Variants in RPS6KB1 observed in about 807,000 individuals in gnomAD.
The protein encoded by RPS6KB1 is ribosomal protein S6 kinase B1.
In RPS6KB1, 12 loss-of-function variants were observed where a neutral mutation model predicts 70.2. The ratio of observed to expected loss-of-function variants is 0.17; its 90% confidence interval spans 0.11 to 0.28. The LOEUF is 0.28. Ranked by LOEUF, RPS6KB1 falls within the 10% of genes least tolerant of loss-of-function variation. The pLI is 1.00. For missense variants in RPS6KB1, 270 were observed against 646.6 expected (o/e 0.42, Z 6.32); for synonymous variants, 175 against 211.2 (o/e 0.83, Z 1.49).
chr17:59,938,185 G>GGA (rs1555653088), intron 12 of RPS6KB1, among the ~76,000 whole-genome samples: 2 of 84,850 alleles, frequency 2.4e-5, no homozygotes, highest in Admixed American at 1.2e-4. Flanking sequence ...TTTTTTTTTT[G>GGA]GGGGGGGGAT....
intron 13 of RPS6KB1, among the ~76,000 whole-genome samples, chr17:59,941,635 A>ATT (rs1382781597): frequency 0.036 from 4,778 of 134,304 alleles, 330 homozygotes; most frequent in African/African-American, 0.13. Context: ...TAAGTAGGGG[A>ATT]TTTTTTTTTT....
intron 12 of RPS6KB1, among the ~76,000 whole-genome samples, chr17:59,938,993 G>A: frequency 6.6e-6 from 1 of 152,116 alleles, no homozygotes; most frequent in East Asian, 1.9e-4. Flanking sequence ...TTGTGAAATG[G>A]TCTTATTCTA....
intron 13 of RPS6KB1, among the ~76,000 whole-genome samples, chr17:59,943,662 A>G (rs1174265308): frequency 2.0e-5 from 3 of 151,968 alleles, no homozygotes; most frequent in Non-Finnish European, 4.4e-5. Flanking sequence ...GCGGATCACA[A>G]GGTCAGGAGT....
At chr17:59,910,539 G>T in intron 1 of RPS6KB1, 23 bp from the exon 2 acceptor site, 1 of 1,505,406 alleles carries the variant, frequency 6.6e-7, no homozygotes, top group Non-Finnish European at 9.1e-7. Flanking sequence ...GATTATTTCT[G>T]AAACTTTTAA....
intron 4 of RPS6KB1, among the ~76,000 whole-genome samples, chr17:59,921,961 T>C (rs1170027926): frequency 6.6e-6 from 1 of 152,194 alleles, no homozygotes; most frequent in Non-Finnish European, 1.5e-5. Context: ...ATTTTCCTCA[T>C]GTACAATTTG....
At chr17:59,939,996 T>C (rs1210938585) in intron 12 of RPS6KB1, among the ~76,000 whole-genome samples, 1 of 152,242 alleles carries the variant, frequency 6.6e-6, no homozygotes, top group Non-Finnish European at 1.5e-5. Flanking sequence ...ATATAACTTA[T>C]AAACCATGCA....
intron 4 of RPS6KB1, among the ~76,000 whole-genome samples, chr17:59,918,829 CTTTTTTTTTTT>C (rs35207575): frequency 8.4e-6 from 1 of 119,072 alleles, no homozygotes. Flanking sequence ...ACTGATTATT[CTTTTTTTTTTT>C]TTTTTTTTTG....
At chr17:59,913,970 G>A (rs2042797986) in intron 3 of RPS6KB1, among the ~76,000 whole-genome samples, 1 of 152,128 alleles carries the variant, frequency 6.6e-6, no homozygotes, top group African/African-American at 2.4e-5. Flanking sequence ...CAAAGTGCCG[G>A]GTTTACAGTT....
Position 59,947,386 on chromosome 17 carries a change from G to T in RPS6KB1, c.*598G>T. The T allele has an allele frequency of 3.2e-6, 4 of 1,236,462 alleles. No homozygotes were observed. Among genetic ancestry groups the T allele is most frequent in the Non-Finnish European group, 4.1e-6 (4 of 981,400 alleles). The allele number at this position is 1,236,462 out of a possible 1,614,324, so 76.6% of individuals were successfully genotyped here. A position where few individuals can be genotyped will look rare whatever the true frequency, so the allele number is the denominator to read the frequency against. On this transcript the variant is annotated 3_prime_UTR_variant, in exon 15 of 15. Coordinates refer to ENST00000225577, the MANE Select transcript of RPS6KB1 (RefSeq NM_003161.4). Reference sequence around the variant, plus strand: ...CAAACTTTAAAATGCGAAATTATTGGTTGGTGTGAAGAAAGCCAGACAACT... The same window carrying T: ...CAAACTTTAAAATGCGAAATTATTGTTTGGTGTGAAGAAAGCCAGACAACT...
chr17:59,932,343 C>T (rs866001970), intron 7 of RPS6KB1, among the ~76,000 whole-genome samples: 1 of 151,594 alleles, frequency 6.6e-6, no homozygotes, highest in African/African-American at 2.4e-5. Flanking sequence ...ACCCAGGAGG[C>T]GAAAGTTGCA....
At chr17:59,907,397 C>A (rs1054633458) in intron 1 of RPS6KB1, 1 of 152,118 alleles carries the variant, frequency 6.6e-6, no homozygotes, top group Non-Finnish European at 1.5e-5. Flanking sequence ...GAATCCGTGA[C>A]CAATTTGGTT....
At chr17:59,894,070 G>A in intron 1 of RPS6KB1, 1 of 625,940 alleles carries the variant, frequency 1.6e-6, no homozygotes, top group Non-Finnish European at 2.0e-6. Context: ...TTTTGAGGTG[G>A]AAAAAAAAAC....
At chr17:59,901,625 G>GAAAAAAAAAAAAAAAA (rs58530265) in intron 1 of RPS6KB1, among the ~76,000 whole-genome samples, 7 of 79,186 alleles carry the variant, frequency 8.8e-5, no homozygotes, top group Admixed American at 1.6e-4. Context: ...CCCTGTCTCT[G>GAAAAAAAAAAAAAAAA]AAAAAAAAAA....
Position 59,934,011 on chromosome 17 carries a change from A to C in RPS6KB1, c.689-159A>C. ...TTTGCCCTAGCCTTAAACAGTTAGCATCCCATTTTATGGATGGTACCTTGT... is the reference window on the plus strand; with the variant it reads ...TTTGCCCTAGCCTTAAACAGTTAGCCTCCCATTTTATGGATGGTACCTTGT... On this transcript the variant is annotated intron_variant, in intron 7 of 14. Coordinates refer to ENST00000225577, the MANE Select transcript of RPS6KB1 (RefSeq NM_003161.4). This position sits in a 1 kb window ranked among gnomAD's most constrained non-coding sequence, Gnocchi z 4.8. 2 of 617,672 alleles carry C rather than the reference A, an allele frequency of 3.2e-6. No homozygotes were observed. The highest frequency in any genetic ancestry group is 3.9e-5 in the South Asian group (2 of 50,954). The allele number at this position is 617,672 out of a possible 1,614,324, so 38.3% of individuals were successfully genotyped here.
chr17:59,918,445 C>G (rs184609941), intron 4 of RPS6KB1, among the ~76,000 whole-genome samples: 151 of 152,046 alleles, frequency 9.9e-4, no homozygotes, highest in Non-Finnish European at 2.0e-3. Flanking sequence ...TCTTGGCTCA[C>G]TGCAACCCCT....
At position 59,946,755 on chromosome 17, in the gene RPS6KB1, C is replaced by T. The variant is rs373473920; in HGVS notation, c.1545C>T (p.Ser515=). Residue 515 remains serine, a synonymous_variant, in exon 15 of 15, where the codon TCC becomes TCT. Transcript: ENST00000225577. This position sits in a 1 kb window ranked among gnomAD's most constrained non-coding sequence, Gnocchi z 4.2. Reference sequence around the variant, plus strand: ...AAAAACAAGCTTTTCCCATGATCTCCAAACGGCCAGAGCACCTGCGTATGA... The same window carrying T: ...AAAAACAAGCTTTTCCCATGATCTCTAAACGGCCAGAGCACCTGCGTATGA... The part of the protein sequence containing the change: ...PYKKQAFPMI[S]KRPEHLRMNL 1.2e-6 allele frequency: 2 copies of T among 1,613,964 alleles called. No homozygotes were observed. Among genetic ancestry groups the T allele is most frequent in the African/African-American group, 1.3e-5 (1 of 74,868 alleles).
rs2144792994 is a variant in RPS6KB1, at chr17:59,912,664, G to T, written c.192-20G>T. On this transcript the variant is annotated intron_variant, in intron 2 of 14. Transcript: ENST00000225577. The stretch of plus-strand genomic sequence containing the variant: ...TTTAACTTTTTGCAAATTTATTTTT[G>T]GTTTTGCTTTTCTTCCCAGTGGCAT... 1.2e-6 allele frequency: 2 copies of T among 1,600,030 alleles called. No homozygotes were observed. The highest frequency in any genetic ancestry group is 1.7e-6 in the Non-Finnish European group (2 of 1,173,138).
intron 6 of RPS6KB1, chr17:59,930,992 T>A (rs955331689): frequency 2.6e-5 from 4 of 153,046 alleles, no homozygotes; most frequent in African/African-American, 9.6e-5. Context: ...GCAGCCAGTA[T>A]TGCAGTGCCT....
At chr17:59,898,507 G>A (rs2041702238) in intron 1 of RPS6KB1, among the ~76,000 whole-genome samples, 1 of 151,930 alleles carries the variant, frequency 6.6e-6, no homozygotes, top group South Asian at 2.1e-4. Context: ...AGGCTGGAGT[G>A]CAGTGGTGCG....
Sources: allele counts gnomAD v4.1 joint callset (sites outside exome capture counted in the v4.1 genomes callset), GRCh38; gene constraint gnomAD v4.1.1; non-coding constraint Gnocchi (gnomAD v3.1); transcripts MANE v1.5; gene names NCBI Gene and HGNC (gene_info 2026-07-23, HGNC 2026-07-21).